NFIC: variants seen among roughly 807,000 people sequenced by gnomAD.
The protein encoded by NFIC is nuclear factor 1 C-type.
Under a neutral mutation model 54.4 loss-of-function variants are expected in NFIC, and 12 were observed. The observed-to-expected ratio is 0.22, with a 90% CI of 0.14 to 0.36. The LOEUF is 0.36. NFIC is among the 10% of genes least tolerant of loss of function. The pLI is 1.00. For missense variants in NFIC, 575 were observed against 718.2 expected (o/e 0.80, Z 2.28); for synonymous variants, 322 against 319.2 (o/e 1.01, Z -0.09).
intron 6 of NFIC, among the ~76,000 whole-genome samples, chr19:3,444,093 G>T (rs2082334254): frequency 7.4e-6 from 1 of 134,496 alleles, no homozygotes. Context: ...GGTGATGAGG[G>T]CCTTTTGTCA....
In NFIC at chr19:3,465,093, A is replaced by C. The variant is rs555454470; in HGVS notation, c.*2324A>C. 2 of 148,840 alleles carry C rather than the reference A, an allele frequency of 1.3e-5. No homozygotes were observed. The highest frequency in any genetic ancestry group is 3.0e-5 in the Non-Finnish European group (2 of 67,514). 9.2% of individuals were successfully genotyped at this position (148,840 alleles called of 1,614,324 possible). A position where few individuals can be genotyped will look rare whatever the true frequency, so the allele number is the denominator to read the frequency against. On this transcript the variant is annotated 3_prime_UTR_variant, in exon 11 of 11. Coordinates refer to ENST00000443272, the MANE Select transcript of NFIC (RefSeq NM_001245002.2). ...GGCGGCGCTGACACACATGCATGGC[A>C]GACTATCCCTGGCTCTATCTCCCTG...
chr19:3,362,939 T>A (rs1016890734), upstream of NFIC, among the ~76,000 whole-genome samples: 1 of 152,154 alleles, frequency 6.6e-6, no homozygotes, highest in Non-Finnish European at 1.5e-5. Flanking sequence ...CCTGAGCTGC[T>A]CTGTGAATTG....
chr19:3,444,417 A>G (rs923075715), intron 6 of NFIC, among the ~76,000 whole-genome samples: 2 of 152,178 alleles, frequency 1.3e-5, no homozygotes, highest in African/African-American at 4.8e-5. Flanking sequence ...GGCCACTGAG[A>G]TGGGCGGGGG....
intron 2 of NFIC, among the ~76,000 whole-genome samples, chr19:3,398,850 C>T (rs1174192796): frequency 1.3e-5 from 2 of 152,226 alleles, no homozygotes; most frequent in Admixed American, 6.5e-5. Context: ...AAGGGACCGG[C>T]GTCCCCCGCG....
At chr19:3,460,494 A>AT (rs1051481309) in intron 10 of NFIC, among the ~76,000 whole-genome samples, 18 of 150,734 alleles carry the variant, frequency 1.2e-4, no homozygotes, top group South Asian at 2.1e-4. Flanking sequence ...AAAGAGGAGA[A>AT]TTTTTTTTTG....
chr19:3,386,404 C>T (rs924013769), intron 2 of NFIC, among the ~76,000 whole-genome samples: 2 of 148,058 alleles, frequency 1.4e-5, no homozygotes, highest in Admixed American at 6.8e-5. Context: ...CTTACTGCAA[C>T]CTCTACTTCC....
upstream of NFIC, among the ~76,000 whole-genome samples, chr19:3,362,409 CTGTGTG>C (rs35259047): frequency 2.7e-5 from 4 of 149,238 alleles, no homozygotes; most frequent in Admixed American, 6.7e-5. Context: ...CCATGTGGGT[CTGTGTG>C]TGTGTGTGTG....
chr19:3,403,840 C>T (rs948890259), intron 2 of NFIC, among the ~76,000 whole-genome samples: 1 of 151,924 alleles, frequency 6.6e-6, no homozygotes, highest in Non-Finnish European at 1.5e-5. Context: ...CCCCGCCGCG[C>T]CCGGCTGCCC....
intron 2 of NFIC, among the ~76,000 whole-genome samples, chr19:3,392,266 T>G (rs1414700298): frequency 6.6e-6 from 1 of 152,022 alleles, no homozygotes; most frequent in Non-Finnish European, 1.5e-5. Context: ...GAGCGGGGGT[T>G]TCACTATGTT....
intron 4 of NFIC, 131 bp from the exon 5 acceptor site, chr19:3,434,146 C>G: frequency 7.2e-7 from 1 of 1,395,740 alleles, no homozygotes; most frequent in Non-Finnish European, 9.6e-7. Context: ...TTCAGCCACC[C>G]TAGGAACCGG....
chr19:3,361,849 C>T (rs1047979075), upstream of NFIC, among the ~76,000 whole-genome samples: 10 of 151,024 alleles, frequency 6.6e-5, no homozygotes, highest in Non-Finnish European at 1.2e-4. Flanking sequence ...GTCATAGTTA[C>T]ACACACACAC....
intron 2 of NFIC, among the ~76,000 whole-genome samples, chr19:3,402,347 G>T (rs1457589195): frequency 6.6e-6 from 1 of 152,258 alleles, no homozygotes; most frequent in Non-Finnish European, 1.5e-5. Flanking sequence ...ACTGCGCCCA[G>T]ACGGTCCTTC....
chr19:3,427,754 G>T (rs1340560418), intron 3 of NFIC, among the ~76,000 whole-genome samples: 21 of 149,448 alleles, frequency 1.4e-4, no homozygotes, highest in African/African-American at 5.2e-4. Flanking sequence ...TTGAACCCAG[G>T]AGGCAGAGGT....
intron 1 of NFIC, among the ~76,000 whole-genome samples, chr19:3,378,494 A>G (rs1313688027): frequency 6.6e-6 from 1 of 152,184 alleles, no homozygotes; most frequent in Non-Finnish European, 1.5e-5. Flanking sequence ...GGGGCCTCCC[A>G]CTGCCCCACA....
intron 9 of NFIC, among the ~76,000 whole-genome samples, chr19:3,455,008 G>C (rs1281038266): frequency 6.6e-6 from 1 of 152,206 alleles, no homozygotes; most frequent in Non-Finnish European, 1.5e-5. Flanking sequence ...TCCCCTCTCT[G>C]AGCCTCAGTT....
intron 1 of NFIC, among the ~76,000 whole-genome samples, chr19:3,379,305 G>A (rs1403176527): frequency 4.0e-5 from 6 of 151,632 alleles, no homozygotes; most frequent in East Asian, 1.9e-4. Context: ...TGATCTGCCC[G>A]CCTCGGTCTC....
At chr19:3,363,265 ATATATTTT>A (rs1189315420), upstream of NFIC, among the ~76,000 whole-genome samples, 57 of 48,708 alleles carry the variant, frequency 1.2e-3, no homozygotes, top group South Asian at 9.3e-3. Context: ...ATATATATAT[ATATATTTT>A]TTTTTTTTTT....
In NFIC at chr19:3,467,190, A is replaced by G. The variant is rs2082727382; in HGVS notation, c.*4421A>G. The G allele has an allele frequency of 8.9e-6, 1 of 112,774 alleles. No individual in the cohort carries two copies. Among genetic ancestry groups the G allele is most frequent in the African/African-American group, 3.6e-5 (1 of 27,696 alleles). 7.0% of individuals were successfully genotyped at this position (112,774 alleles called of 1,614,324 possible). Reference sequence around the variant, plus strand: ...GAAGCCCCCATCACCCACCCCTGCTATGGACACCACACCTATGCCAGGCCC... The same window carrying G: ...GAAGCCCCCATCACCCACCCCTGCTGTGGACACCACACCTATGCCAGGCCC... On this transcript the variant is annotated 3_prime_UTR_variant, in exon 11 of 11. Coordinates refer to ENST00000443272, the MANE Select transcript of NFIC (RefSeq NM_001245002.2).
chr19:3,430,945 AAG>A, intron 3 of NFIC, among the ~76,000 whole-genome samples: 1 of 145,624 alleles, frequency 6.9e-6, no homozygotes, highest in Non-Finnish European at 1.6e-5. Context: ...AAAAAAAAAA[AAG>A]AAAAGAAAAA....
Sources: allele counts gnomAD v4.1 joint callset (sites outside exome capture counted in the v4.1 genomes callset), GRCh38; gene constraint gnomAD v4.1.1; transcripts MANE v1.5; gene names NCBI Gene and HGNC (gene_info 2026-07-23, HGNC 2026-07-21).